NCR3: variants seen among roughly 807,000 people sequenced by gnomAD.
NCR3 encodes the protein natural cytotoxicity triggering receptor 3.
A neutral mutation model predicts 16.1 loss-of-function variants in NCR3; 13 were observed. That is an observed-to-expected ratio of 0.81 (90% CI 0.53 to 1.28). The LOEUF (loss-of-function observed/expected upper bound fraction) is 1.28, where lower values mean the gene tolerates loss of function less well. NCR3 is among the 50% of genes most tolerant of loss of function. The probability of loss-of-function intolerance (pLI) is 0.00; values close to 1 mark genes in which losing one functional copy is unlikely to be tolerated. For synonymous variants in NCR3, 98 were observed against 106.6 expected (o/e 0.92, Z 0.50); for missense variants, 202 against 256.8 (o/e 0.79, Z 1.46).
chr6:31,590,143 G>A lies in NCR3; in HGVS notation c.44-17C>T, dbSNP rs377159145. ...CACAGGATCCTGGGGGCAGAAGGAA[G>A]ACCCAGAGAAACACCTCCCCAGTTA... On this transcript the variant is annotated splice_polypyrimidine_tract_variant and intron_variant, in intron 1 of 3. Transcript: ENST00000340027. 1.9e-6 allele frequency: 3 copies of A among 1,586,858 alleles called. No individual in the cohort carries two copies. The African/African-American group carries it at 4.1e-5, about 22-fold the overall frequency.
intron 1 of NCR3, among the ~76,000 whole-genome samples, chr6:31,592,304 T>G (rs995259857): frequency 2.3e-4 from 34 of 146,276 alleles, no homozygotes; most frequent in African/African-American, 8.4e-4. Context: ...TCCCAGCTAC[T>G]CAGGAGGCTG....
At chr6:31,590,526 C>T (rs1326179839) in intron 1 of NCR3, among the ~76,000 whole-genome samples, 4 of 152,148 alleles carry the variant, frequency 2.6e-5, no homozygotes, top group Admixed American at 1.3e-4. Context: ...CGCTTGAACC[C>T]GGGAGGCAGA....
In NCR3 at chr6:31,589,654, G is replaced by A. The variant is rs763088534; in HGVS notation, c.389-21C>T. ...ATGTTCTGCATGGGGCAATGGAGAC[G>A]GGGGTTGGGGAAGAAGTGCACACAG... is the stretch of plus-strand genomic sequence containing the variant. On this transcript the variant is annotated intron_variant, in intron 2 of 3. Transcript: ENST00000340027. The surrounding 1 kb of genome is among the most constrained non-coding windows in gnomAD (Gnocchi z 4.8). 45 of 1,612,304 alleles carry A rather than the reference G, an allele frequency of 2.8e-5. No individual in the cohort carries two copies. The highest frequency in any genetic ancestry group is 2.3e-4 in the Admixed American group (14 of 59,996).
At chr6:31,592,258 A>G (rs2150418382) in intron 1 of NCR3, among the ~76,000 whole-genome samples, 1 of 151,022 alleles carries the variant, frequency 6.6e-6, no homozygotes, top group African/African-American at 2.4e-5. Flanking sequence ...TCAAAAAAAA[A>G]AAAAATTAGC....
Position 31,589,368 on chromosome 6 carries a change from G to A in NCR3, c.496+158C>T, listed in dbSNP as rs997105968. On this transcript the variant is annotated intron_variant, in intron 3 of 3. Coordinates refer to ENST00000340027, the MANE Select transcript of NCR3 (RefSeq NM_147130.3). The surrounding 1 kb of genome is among the most constrained non-coding windows in gnomAD (Gnocchi z 4.8). ...CGGGGCCCATCTGAGGAGTGGCAGT[G>A]TGTTCCCATGTGACAGTGGCCTGGT... 3 of 1,552,312 alleles carry A rather than the reference G, an allele frequency of 1.9e-6. No homozygotes were observed. In the African/African-American group the frequency reaches 4.1e-5, roughly 21 times the overall value.
Position 31,589,977 on chromosome 6 carries a change from C to T in NCR3, c.193G>A (p.Glu65Lys), listed in dbSNP as rs573253987. 2 of 1,613,082 alleles carry T rather than the reference C, an allele frequency of 1.2e-6. No homozygotes were observed. The highest frequency in any genetic ancestry group is 2.7e-5 in the African/African-American group (2 of 75,050). The change falls in exon 2 of 4, where the codon GAG (glutamate) becomes AAG (lysine). Residue 65 changes from glutamate to lysine, a missense_variant. Coordinates refer to ENST00000340027, the MANE Select transcript of NCR3 (RefSeq NM_147130.3). The surrounding 1 kb of genome is among the most constrained non-coding windows in gnomAD (Gnocchi z 4.8). Reference protein sequence around the residue: ...WFRDEVVPGKEVRNGTPEFRG... With the variant: ...WFRDEVVPGKKVRNGTPEFRG... Reference sequence around the variant, plus strand: ...AACTCTGGGGTTCCATTCCTCACCTCCTTCCCTGGAACCACCTCATCTCGG... The same window carrying T: ...AACTCTGGGGTTCCATTCCTCACCTTCTTCCCTGGAACCACCTCATCTCGG...
Position 31,590,088 on chromosome 6 carries a change from G to A in NCR3, c.82C>T (p.Arg28Cys), listed in dbSNP as rs753038407. 5.0e-6 allele frequency: 8 copies of A among 1,612,584 alleles called. No individual in the cohort carries two copies. The highest frequency in any genetic ancestry group is 2.2e-5 in the East Asian group (1 of 44,886). The stretch of plus-strand genomic sequence containing the variant: ...AAGGCAGAGGATCCTTCCAGGGTAC[G>A]AATCTCAGGGGGCTGGGACACCCAG... ...ALWVSQPPEI[R>C]TLEGSSAFLP... is the part of the protein sequence containing the mutation. The change falls in exon 2 of 4, where the codon CGT becomes TGT. Residue 28 changes from arginine (R) to cysteine (C), a missense_variant. Transcript: ENST00000340027.
At chr6:31,592,355 G>A (rs976464707) in intron 1 of NCR3, among the ~76,000 whole-genome samples, 5 of 150,830 alleles carry the variant, frequency 3.3e-5, no homozygotes, top group African/African-American at 4.9e-5. Flanking sequence ...AGAGGTTGCA[G>A]TGAGCCAAAA....
At position 31,589,688 on chromosome 6, in the gene NCR3, A is replaced by C. The variant is rs569447463; in HGVS notation, c.389-55T>G. 1.2e-6 allele frequency: 2 copies of C among 1,609,420 alleles called. No individual in the cohort carries two copies. Among genetic ancestry groups the C allele is most frequent in the African/African-American group, 2.7e-5 (2 of 74,948 alleles). On this transcript the variant is annotated intron_variant, in intron 2 of 3. Transcript: ENST00000340027. This position sits in a 1 kb window ranked among gnomAD's most constrained non-coding sequence, Gnocchi z 4.8. ...GGAAGAAGTGCACACAGGCTCAGGG[A>C]GGGAAGGGGCCTCAGAGGAGCATCC...
intron 1 of NCR3, among the ~76,000 whole-genome samples, chr6:31,591,061 C>T (rs1287191151): frequency 2.0e-5 from 3 of 152,112 alleles, no homozygotes; most frequent in African/African-American, 7.2e-5. Flanking sequence ...AACTCCTGAC[C>T]TCAAGTGATC....
At position 31,588,904 on chromosome 6, in the gene NCR3, C is replaced by T. The variant is rs996393943; in HGVS notation, c.*163G>A. 3.3e-6 allele frequency: 3 copies of T among 917,640 alleles called. No homozygotes were observed. The highest frequency in any genetic ancestry group is 3.7e-5 in the South Asian group (2 of 54,008). The allele number at this position is 917,640 out of a possible 1,614,324, so 56.8% of individuals were successfully genotyped here. A position where few individuals can be genotyped will look rare whatever the true frequency, so the allele number is the denominator to read the frequency against. On this transcript the variant is annotated 3_prime_UTR_variant, in exon 4 of 4. Coordinates refer to ENST00000340027, the MANE Select transcript of NCR3 (RefSeq NM_147130.3). ...AAAAAAAACACATGGCTCACCCTTC[C>T]ACCCACTCTGGGGTCAAATAGTAAT... is the stretch of plus-strand genomic sequence containing the variant.
At position 31,589,182 on chromosome 6, in the gene NCR3, G is replaced by A; in HGVS notation, c.497-6C>T. On this transcript the variant is annotated splice_region_variant and splice_polypyrimidine_tract_variant and intron_variant, in intron 3 of 3. Coordinates refer to ENST00000340027, the MANE Select transcript of NCR3 (RefSeq NM_147130.3). The surrounding 1 kb of genome is among the most constrained non-coding windows in gnomAD (Gnocchi z 4.8). ...TGGACCTTTCCAGGTCAGACCTGGT[G>A]GAAGGGAAAGTTCAGAGTTGGGGGA... The A allele has an allele frequency of 1.2e-6, 2 of 1,613,190 alleles. No individual in the cohort carries two copies. Among genetic ancestry groups the A allele is most frequent in the Non-Finnish European group, 8.5e-7 (1 of 1,179,638 alleles).
chr6:31,589,438 T>C lies in NCR3; in HGVS notation c.496+88A>G. Reference sequence around the variant, plus strand: ...GCTCAGTGTTGCAGTCCCGAGGCTCTCCTCTTCCTGGTCTCTGTCCTCCCT... The same window carrying C: ...GCTCAGTGTTGCAGTCCCGAGGCTCCCCTCTTCCTGGTCTCTGTCCTCCCT... On this transcript the variant is annotated intron_variant, in intron 3 of 3. Transcript: ENST00000340027. The surrounding 1 kb of genome is among the most constrained non-coding windows in gnomAD (Gnocchi z 4.8). 1 of 1,570,398 alleles carries C rather than the reference T, an allele frequency of 6.4e-7. No individual in the cohort carries two copies. Among genetic ancestry groups the C allele is most frequent in the Non-Finnish European group, 8.6e-7 (1 of 1,156,160 alleles).
In NCR3 at chr6:31,592,915, CTG is replaced by C. The variant is rs1211245399; in HGVS notation, c.-196_-195del. ...CCTCGAGCATCAAATGCTTGCCTCC[CTG>C]AGGAGAGAGGACAGATGCTGCTGGA... On this transcript the variant is annotated 5_prime_UTR_variant, in exon 1 of 4. Transcript: ENST00000340027. The C allele has an allele frequency of 1.5e-6, 1 of 650,898 alleles. No individual in the cohort carries two copies. Among genetic ancestry groups the C allele is most frequent in the Non-Finnish European group, 2.8e-6 (1 of 358,532 alleles). The allele number at this position is 650,898 out of a possible 1,614,324, so 40.3% of individuals were successfully genotyped here.
rs754343526 is a variant in NCR3 at position 31,590,006 on chromosome 6, C to T, written c.164G>A (p.Trp55Ter). 1 of 1,613,084 alleles carries T rather than the reference C, an allele frequency of 6.2e-7. No homozygotes were observed. Among genetic ancestry groups the T allele is most frequent in the South Asian group, 1.1e-5 (1 of 91,080 alleles). ...CCCTGGAACCACCTCATCTCGGAACCACGTGACGGAGCCAATGGCCAGTCT... is the reference window on the plus strand; with the variant it reads ...CCCTGGAACCACCTCATCTCGGAACTACGTGACGGAGCCAATGGCCAGTCT... ...QGRLAIGSVTWFRDEVVPGKE... is the reference protein window; with the variant it reads ...QGRLAIGSVT Residue 55 changes from tryptophan to a stop codon, truncating the protein, a stop_gained, in exon 2 of 4, where the codon TGG becomes TAG. Coordinates refer to ENST00000340027, the MANE Select transcript of NCR3 (RefSeq NM_147130.3). LOFTEE classifies it high-confidence loss of function.
At position 31,588,935 on chromosome 6, in the gene NCR3, G is replaced by A. The variant is rs1772350391; in HGVS notation, c.*132C>T. ...CTCTGGGGTCAAATAGTAATTTATT[G>A]GGTGAATGACAGTGTTCAGGGACCC... On this transcript the variant is annotated 3_prime_UTR_variant, in exon 4 of 4. Coordinates refer to ENST00000340027, the MANE Select transcript of NCR3 (RefSeq NM_147130.3). 1.9e-6 allele frequency: 2 copies of A among 1,038,552 alleles called. No individual in the cohort carries two copies. The highest frequency in any genetic ancestry group is 3.2e-5 in the African/African-American group (2 of 61,640). 64.3% of individuals were successfully genotyped at this position (1,038,552 alleles called of 1,614,324 possible). A position where few individuals can be genotyped will look rare whatever the true frequency, so the allele number is the denominator to read the frequency against.
intron 1 of NCR3, among the ~76,000 whole-genome samples, chr6:31,591,813 CA>C (rs1023601327): frequency 6.6e-6 from 1 of 151,214 alleles, no homozygotes; most frequent in Non-Finnish European, 1.5e-5. Flanking sequence ...GAAACTGTCT[CA>C]AAAAAAAAGT....
Position 31,592,770 on chromosome 6 carries a change from G to A in NCR3, c.-49C>T, listed in dbSNP as rs1436523849. ...AAGGGGATCTGAGCAGTGAGGTCTGGGTGGAGGAGGAAGGACTCACTACTT... is the reference window on the plus strand; with the variant it reads ...AAGGGGATCTGAGCAGTGAGGTCTGAGTGGAGGAGGAAGGACTCACTACTT... On this transcript the variant is annotated 5_prime_UTR_variant, in exon 1 of 4. Coordinates refer to ENST00000340027, the MANE Select transcript of NCR3 (RefSeq NM_147130.3). 3 of 1,606,998 alleles carry A rather than the reference G, an allele frequency of 1.9e-6. No individual in the cohort carries two copies. The highest frequency in any genetic ancestry group is 2.6e-6 in the Non-Finnish European group (3 of 1,175,118).
chr6:31,589,014 G>A lies in NCR3; in HGVS notation c.*53C>T. The A allele has an allele frequency of 6.6e-7, 1 of 1,507,342 alleles. No individual in the cohort carries two copies. Among genetic ancestry groups the A allele is most frequent in the Non-Finnish European group, 8.9e-7 (1 of 1,129,644 alleles). The allele number at this position is 1,507,342 out of a possible 1,614,324, so 93.4% of individuals were successfully genotyped here. A position where few individuals can be genotyped will look rare whatever the true frequency, so the allele number is the denominator to read the frequency against. On this transcript the variant is annotated 3_prime_UTR_variant, in exon 4 of 4. Coordinates refer to ENST00000340027, the MANE Select transcript of NCR3 (RefSeq NM_147130.3). This position sits in a 1 kb window ranked among gnomAD's most constrained non-coding sequence, Gnocchi z 4.8. Reference sequence around the variant, plus strand: ...TGTGTGGGCCTGGCAGGAAAGGGCAGTTGCCAAGGAGGAGTCATATCTGAT... The same window carrying A: ...TGTGTGGGCCTGGCAGGAAAGGGCAATTGCCAAGGAGGAGTCATATCTGAT...
Sources: allele counts gnomAD v4.1 joint callset (sites outside exome capture counted in the v4.1 genomes callset), GRCh38; gene constraint gnomAD v4.1.1; non-coding constraint Gnocchi (gnomAD v3.1); transcripts MANE v1.5; gene names NCBI Gene and HGNC (gene_info 2026-07-23, HGNC 2026-07-21).